SLC35F1: variants seen among roughly 807,000 people sequenced by gnomAD.
SLC35F1 encodes the protein chromosome 6 open reading frame 169.
In SLC35F1, 14 loss-of-function variants were observed where a neutral mutation model predicts 48.7. That is an observed-to-expected ratio of 0.29 (90% CI 0.19 to 0.45). The LOEUF (loss-of-function observed/expected upper bound fraction) is 0.45, where lower values mean the gene tolerates loss of function less well. SLC35F1 is among the 20% of genes least tolerant of loss of function. The pLI is 1.00. For synonymous variants in SLC35F1, 190 were observed against 202.2 expected (o/e 0.94, Z 0.51); for missense variants, 404 against 500.0 (o/e 0.81, Z 1.83).
At chr6:118,037,152 A>G (rs112928406) in intron 1 of SLC35F1, among the ~76,000 whole-genome samples, 3,376 of 152,252 alleles carry the variant, frequency 0.022, 80 homozygotes, top group African/African-American at 0.052. Flanking sequence ...TGTATCTTAT[A>G]CCTTTTTCCA....
chr6:118,145,874 T>G (rs1282355360), intron 1 of SLC35F1, among the ~76,000 whole-genome samples: 2 of 152,178 alleles, frequency 1.3e-5, no homozygotes, highest in East Asian at 3.8e-4. Context: ...TATTAAGAAA[T>G]AAAATTCTTA....
At chr6:118,205,834 A>G (rs1774928768) in intron 2 of SLC35F1, among the ~76,000 whole-genome samples, 1 of 152,234 alleles carries the variant, frequency 6.6e-6, no homozygotes. Flanking sequence ...ATATGATACA[A>G]TATGGACTAC....
chr6:118,309,478 G>GA (rs1464391620), intron 7 of SLC35F1, among the ~76,000 whole-genome samples: 1 of 152,204 alleles, frequency 6.6e-6, no homozygotes, highest in African/African-American at 2.4e-5. Context: ...AAGTAGAGCT[G>GA]AAACCCAGAG....
In SLC35F1 at chr6:118,315,633, G is replaced by T. The variant is rs1356622548; in HGVS notation, c.*1381G>T. ...TTTTTGTATTTTTAGTAGAGATGGGGTTTCACCGTGTTAGCCAGGATGGTC... is the reference window on the plus strand; with the variant it reads ...TTTTTGTATTTTTAGTAGAGATGGGTTTTCACCGTGTTAGCCAGGATGGTC... On this transcript the variant is annotated 3_prime_UTR_variant, in exon 8 of 8. Coordinates refer to ENST00000360388, the MANE Select transcript of SLC35F1 (RefSeq NM_001029858.4). 2 of 151,834 alleles carry T rather than the reference G, an allele frequency of 1.3e-5. No individual in the cohort carries two copies. Among genetic ancestry groups the T allele is most frequent in the Admixed American group, 1.3e-4 (2 of 15,256 alleles). 9.4% of individuals were successfully genotyped at this position (151,834 alleles called of 1,614,324 possible).
chr6:117,943,961 A>G (rs1776263960), intron 1 of SLC35F1, among the ~76,000 whole-genome samples: 1 of 152,190 alleles, frequency 6.6e-6, no homozygotes, highest in African/African-American at 2.4e-5. Context: ...CAACACTTCC[A>G]TGAGAATGTT....
intron 1 of SLC35F1, among the ~76,000 whole-genome samples, chr6:118,045,225 G>A (rs1189765031): frequency 6.6e-6 from 1 of 152,168 alleles, no homozygotes; most frequent in East Asian, 1.9e-4. Flanking sequence ...ATCAGAGGTT[G>A]TATCACTTGC....
chr6:118,003,948 G>A (rs1777140779), intron 1 of SLC35F1, among the ~76,000 whole-genome samples: 1 of 152,208 alleles, frequency 6.6e-6, no homozygotes, highest in Non-Finnish European at 1.5e-5. Context: ...AGTAGGGATA[G>A]TGATATCTTG....
chr6:118,103,853 T>A (rs1773293218), intron 1 of SLC35F1, among the ~76,000 whole-genome samples: 1 of 152,190 alleles, frequency 6.6e-6, no homozygotes, highest in African/African-American at 2.4e-5. Context: ...TAGTTTTCTG[T>A]CATTCAGTTC....
At position 118,209,863 on chromosome 6, in the gene SLC35F1, G is replaced by A. The variant is rs1050157773; in HGVS notation, c.350-25646G>A. 2.6e-5 allele frequency among the ~76,000 whole-genome samples: 4 copies of A among 152,050 alleles called. No individual in the cohort carries two copies. The East Asian group carries it at 5.8e-4, about 22-fold the overall frequency. On this transcript the variant is annotated intron_variant, in intron 2 of 7. Transcript: ENST00000360388. ...ATAAATGTTTTGTTATCTTAAATAC[G>A]ACTTTCCAATATTTCTCTTAATTCT...
chr6:118,102,134 A>AG (rs765724562), intron 1 of SLC35F1, among the ~76,000 whole-genome samples: 4 of 152,198 alleles, frequency 2.6e-5, no homozygotes, highest in Admixed American at 6.5e-5. Flanking sequence ...TGCTGATGTA[A>AG]GCAACATAAA....
chr6:118,018,584 T>C (rs189060140), intron 1 of SLC35F1, among the ~76,000 whole-genome samples: 132 of 152,284 alleles, frequency 8.7e-4, no homozygotes, highest in African/African-American at 2.7e-3. Flanking sequence ...ATAGTTTAAA[T>C]ATGCCTTGCC....
intron 7 of SLC35F1, among the ~76,000 whole-genome samples, chr6:118,295,260 A>T (rs1776170287): frequency 1.3e-5 from 2 of 152,130 alleles, no homozygotes; most frequent in South Asian, 4.1e-4. Flanking sequence ...TAAAAGAATG[A>T]TATCCAGACA....
rs552493152 is a variant in SLC35F1 at position 118,314,379 on chromosome 6, T to A, written c.*127T>A. The A allele has an allele frequency of 1.7e-4, 132 of 785,026 alleles. No individual in the cohort carries two copies. The highest frequency in any genetic ancestry group is 2.4e-4 in the Non-Finnish European group (116 of 486,606). The allele number at this position is 785,026 out of a possible 1,614,324, so 48.6% of individuals were successfully genotyped here. The stretch of plus-strand genomic sequence containing the variant: ...CACAGGTGGACTGCAAGGTAGCAAA[T>A]CCTCCAAAAGCTTGTGAAAGGAACA... On this transcript the variant is annotated 3_prime_UTR_variant, in exon 8 of 8. Coordinates refer to ENST00000360388, the MANE Select transcript of SLC35F1 (RefSeq NM_001029858.4).
chr6:118,051,567 G>A (rs1331398779), intron 1 of SLC35F1, among the ~76,000 whole-genome samples: 1 of 152,124 alleles, frequency 6.6e-6, no homozygotes, highest in East Asian at 1.9e-4. Flanking sequence ...TTAAGTCTTT[G>A]GGTAAGGGTG....
chr6:118,042,018 TC>T (rs1454304055), intron 1 of SLC35F1, among the ~76,000 whole-genome samples: 2 of 152,154 alleles, frequency 1.3e-5, no homozygotes, highest in African/African-American at 4.8e-5. Context: ...ATGGACACTC[TC>T]TGCCTCATTT....
At position 118,132,111 on chromosome 6, in the gene SLC35F1, C is replaced by T. The variant is rs931193661; in HGVS notation, c.174-22334C>T. ...TTAAGAAGCTGTTGTTTCAAGAAAC[C>T]GAAGCAGATAGTTAGAGGTCTTTAA... On this transcript the variant is annotated intron_variant, in intron 1 of 7. Transcript: ENST00000360388. Among the ~76,000 whole-genome samples the T allele has an allele frequency of 2.8e-4, 43 of 152,020 alleles. 1 individual carries two copies. The highest frequency in any genetic ancestry group is 1.5e-4 in the Non-Finnish European group (10 of 68,022).
intron 1 of SLC35F1, among the ~76,000 whole-genome samples, chr6:118,098,476 A>G (rs1178981509): frequency 6.6e-6 from 1 of 152,180 alleles, no homozygotes; most frequent in African/African-American, 2.4e-5. Flanking sequence ...TGCATTGTGT[A>G]CTGGGAGTGC....
chr6:117,987,819 CATT>C (rs1780109265), intron 1 of SLC35F1, among the ~76,000 whole-genome samples: 1 of 152,100 alleles, frequency 6.6e-6, no homozygotes, highest in Non-Finnish European at 1.5e-5. Context: ...TTCTAAAACA[CATT>C]ATTTTATGTG....
intron 2 of SLC35F1, among the ~76,000 whole-genome samples, chr6:118,195,320 T>C (rs940140454): frequency 6.6e-6 from 1 of 152,200 alleles, no homozygotes; most frequent in Non-Finnish European, 1.5e-5. Context: ...CTTCAATGTG[T>C]TGTTTATCCA....
Sources: gnomAD v4.1 joint callset for allele counts (sites outside exome capture counted in the v4.1 genomes callset) on GRCh38, gnomAD v4.1.1 for gene constraint, MANE v1.5 for transcripts, NCBI Gene and HGNC (gene_info 2026-07-23, HGNC 2026-07-21) for gene names.